The following USP37 variants were observed in gnomAD, a reference collection of about 807,000 sequenced individuals.
The protein encoded by USP37 is ubiquitin specific peptidase 37.
Under a neutral mutation model 124.0 loss-of-function variants are expected in USP37, and 27 were observed. The ratio of observed to expected loss-of-function variants is 0.22; its 90% confidence interval spans 0.16 to 0.30. The LOEUF is 0.30. Ranked by LOEUF, USP37 falls within the 10% of genes least tolerant of loss-of-function variation. The pLI is 1.00. For synonymous variants in USP37, 365 were observed against 388.0 expected (o/e 0.94, Z 0.70); for missense variants, 889 against 1,140.4 (o/e 0.78, Z 3.17).
At chr2:218,509,642 T>C (rs1372578102) in intron 11 of USP37, among the ~76,000 whole-genome samples, 1 of 152,112 alleles carries the variant, frequency 6.6e-6, no homozygotes, top group Non-Finnish European at 1.5e-5. Context: ...TATGATCTCA[T>C]TTTTGTGTTT....
chr2:218,457,368 T>C (rs1249587853), intron 23 of USP37, among the ~76,000 whole-genome samples: 1 of 152,114 alleles, frequency 6.6e-6, no homozygotes, highest in African/African-American at 2.4e-5. Flanking sequence ...AAAAGAAGAG[T>C]ATATGTATCA....
intron 11 of USP37, chr2:218,500,948 G>A (rs2105993639): frequency 6.0e-6 from 1 of 166,336 alleles, no homozygotes; most frequent in South Asian, 2.1e-4. Flanking sequence ...GAGGGAGGAA[G>A]GGGATACCCG....
At chr2:218,550,455 A>G (rs1480513472) in intron 5 of USP37, among the ~76,000 whole-genome samples, 1 of 151,956 alleles carries the variant, frequency 6.6e-6, no homozygotes, top group Non-Finnish European at 1.5e-5. Flanking sequence ...TAATTTGGTT[A>G]GCCAATTTCC....
chr2:218,466,350 T>C (rs760601753), intron 20 of USP37, among the ~76,000 whole-genome samples, 174 bp from the exon 21 acceptor site: 4 of 152,174 alleles, frequency 2.6e-5, no homozygotes, highest in African/African-American at 4.8e-5. Context: ...CCTAGAGCTA[T>C]TGACATTTTG....
At chr2:218,496,149 C>T (rs1689068366) in intron 13 of USP37, among the ~76,000 whole-genome samples, 199 bp from the exon 14 acceptor site, 1 of 151,940 alleles carries the variant, frequency 6.6e-6, no homozygotes. Flanking sequence ...CAAAAATTAG[C>T]CAGGTGTGGT....
At chr2:218,469,812 T>G (rs976914178) in intron 20 of USP37, among the ~76,000 whole-genome samples, 2 of 127,624 alleles carry the variant, frequency 1.6e-5, no homozygotes, top group African/African-American at 2.9e-5. Context: ...TAACTCAACA[T>G]TCTTTTTTTT....
intron 3 of USP37, among the ~76,000 whole-genome samples, chr2:218,559,344 C>T (rs1395012027): frequency 6.6e-6 from 1 of 152,130 alleles, no homozygotes; most frequent in Non-Finnish European, 1.5e-5. Context: ...ATTCAGGCCT[C>T]TGACTCCATT....
chr2:218,487,521 A>C (rs955865916), intron 15 of USP37, among the ~76,000 whole-genome samples: 44 of 152,146 alleles, frequency 2.9e-4, no homozygotes, highest in African/African-American at 9.9e-4. Context: ...CCCAGGTTCA[A>C]GTGATTTTCC....
intron 10 of USP37, among the ~76,000 whole-genome samples, chr2:218,523,311 C>G (rs1051168339): frequency 6.6e-6 from 1 of 151,904 alleles, no homozygotes; most frequent in Non-Finnish European, 1.5e-5. Flanking sequence ...ATTTGTATTA[C>G]GCTGGTTGAT....
chr2:218,535,136 C>T (rs377586551), intron 8 of USP37, among the ~76,000 whole-genome samples: 4 of 151,354 alleles, frequency 2.6e-5, no homozygotes, highest in Non-Finnish European at 5.9e-5. Context: ...GAGGCTGAGG[C>T]GGGCAGATCG....
chr2:218,549,524 C>T (rs1295995840), intron 6 of USP37, among the ~76,000 whole-genome samples: 3 of 149,770 alleles, frequency 2.0e-5, no homozygotes, highest in Admixed American at 6.7e-5. Context: ...GAGTGCAATG[C>T]CATGAGCTCA....
intron 22 of USP37, among the ~76,000 whole-genome samples, chr2:218,460,390 T>TG (rs1689951913): frequency 1.3e-5 from 2 of 152,286 alleles, no homozygotes; most frequent in South Asian, 4.1e-4. Flanking sequence ...CAGCCCACTG[T>TG]GGGGAACACG....
intron 8 of USP37, among the ~76,000 whole-genome samples, chr2:218,541,867 T>C (rs1014478426): frequency 6.6e-6 from 1 of 152,128 alleles, no homozygotes; most frequent in African/African-American, 2.4e-5. Context: ...GTCTCTAAGA[T>C]CCTTTTTATC....
At chr2:218,497,655 G>C in intron 13 of USP37, 79 bp downstream of exon 13, 8 of 1,569,562 alleles carry the variant, frequency 5.1e-6, no homozygotes, top group Non-Finnish European at 6.9e-6. Flanking sequence ...TGCCCACCTA[G>C]GCCTCCCAAA....
rs148651696 is a variant in USP37 at position 218,496,070 on chromosome 2, G to T, written c.1282-120C>A. The T allele has an allele frequency of 1.9e-4, 181 of 949,154 alleles. 1 individual carries two copies. Among genetic ancestry groups the T allele is most frequent in the Middle Eastern group, 1.0e-3 (3 of 2,864 alleles). The allele number at this position is 949,154 out of a possible 1,614,324, so 58.8% of individuals were successfully genotyped here. The stretch of plus-strand genomic sequence containing the variant: ...GCACTCTGGAAGGCTGAGGCAGGCG[G>T]ATCACTTGAGGTCAGGAGTTCGAGA... On this transcript the variant is annotated intron_variant, in intron 13 of 25. Coordinates refer to ENST00000258399, the MANE Select transcript of USP37 (RefSeq NM_020935.3).
Position 218,553,631 on chromosome 2 carries a change from T to C in USP37, c.250A>G (p.Ile84Val), listed in dbSNP as rs760183920. Residue 84 changes from isoleucine (I) to valine (V), a missense_variant, in exon 5 of 26, where the codon ATT becomes GTT. Physicochemically the swap from Ile to Val is conservative, Grantham distance 29. This residue lies in a region of USP37 where 374 missense variants were observed against 386.0 expected (regional missense o/e 0.97). Coordinates refer to ENST00000258399, the MANE Select transcript of USP37 (RefSeq NM_020935.3). ...GCATCCTTACTTGGTACTTTGTCAA[T>C]AGACAAGAAGCTGTTATCTTGCAGA... ...LTLQDNSFLS[I>V]DKVPSKDAEE... 11 of 1,613,944 alleles carry C rather than the reference T, an allele frequency of 6.8e-6. No homozygotes were observed. Among genetic ancestry groups the C allele is most frequent in the Admixed American group, 1.7e-5 (1 of 59,990 alleles).
In USP37 at chr2:218,475,731, A is replaced by T. The variant is rs540420095; in HGVS notation, c.2044-846T>A. Among the ~76,000 whole-genome samples, 8 of 152,134 alleles carry T rather than the reference A, an allele frequency of 5.3e-5. No homozygotes were observed. In the South Asian group the frequency reaches 1.7e-3, roughly 32 times the overall value. ...GGTGACAGGGCAAGAGTCTGTCTCA[A>T]AAATAAATAAATAAATAAATTAAAT... On this transcript the variant is annotated intron_variant, in intron 19 of 25. Coordinates refer to ENST00000258399, the MANE Select transcript of USP37 (RefSeq NM_020935.3).
intron 10 of USP37, among the ~76,000 whole-genome samples, chr2:218,525,315 T>C (rs953728793): frequency 1.3e-5 from 2 of 152,000 alleles, no homozygotes; most frequent in African/African-American, 4.8e-5. Context: ...ACTCCGTGTC[T>C]ACGAAAAATA....
In USP37 at chr2:218,485,743, C is replaced by A. The variant is rs562434975; in HGVS notation, c.1591G>T (p.Ala531Ser). ...IQDSLDLFFRAEELEYSCEKC... is the reference protein window; with the variant it reads ...IQDSLDLFFRSEELEYSCEKC... Reference sequence around the variant, plus strand: ...TCACAAGAATACTCCAGTTCTTCGGCCTATAAAAAGAAGGAAAAATAAAGC... The same window carrying A: ...TCACAAGAATACTCCAGTTCTTCGGACTATAAAAAGAAGGAAAAATAAAGC... The change falls in exon 16 of 26, where the codon GCC (alanine) becomes TCC (serine). Residue 531 changes from alanine to serine, a missense_variant and splice_region_variant. Around this residue, in one of 3 missense-constraint regions of USP37, gnomAD observed 504 missense variants for 714.3 expected, o/e 0.71. Transcript: ENST00000258399. 726 of 1,607,896 alleles carry A rather than the reference C, an allele frequency of 4.5e-4. 14 individuals carry two copies. In the South Asian group the frequency reaches 7.8e-3, roughly 17 times the overall value.
Sources: allele counts gnomAD v4.1 joint callset (sites outside exome capture counted in the v4.1 genomes callset), GRCh38; gene constraint gnomAD v4.1.1; regional missense constraint gnomAD v4.1.1; transcripts MANE v1.5; gene names NCBI Gene and HGNC (gene_info 2026-07-23, HGNC 2026-07-21).